SDK1: variants seen among roughly 807,000 people sequenced by gnomAD.
SDK1 encodes the protein sidekick cell adhesion molecule 1, also known as protein sidekick-1.
SDK1 carries 157 observed loss-of-function variants against 245.5 expected under a neutral mutation model. The observed-to-expected ratio is 0.64, with a 90% confidence interval of 0.56 to 0.73. The LOEUF (loss-of-function observed/expected upper bound fraction) is 0.73, where lower values mean the gene tolerates loss of function less well. Among genes scored for constraint, SDK1 ranks in the 30% least tolerant of loss-of-function variants. The probability of loss-of-function intolerance (pLI) is 0.00; values close to 1 mark genes in which losing one functional copy is unlikely to be tolerated. For missense variants in SDK1, 3,583 were observed against 3,002.3 expected (o/e 1.19, Z -4.52); for synonymous variants, 1,647 against 1,278.5 (o/e 1.29, Z -6.15).
chr7:4,157,900 A>G (rs1780870456), intron 30 of SDK1, among the ~76,000 whole-genome samples: 1 of 152,262 alleles, frequency 6.6e-6, no homozygotes, highest in Admixed American at 6.5e-5. Context: ...ACCTTAGAGA[A>G]TGCTGCAAGG....
chr7:3,415,292 A>T (rs1406777381), intron 1 of SDK1, among the ~76,000 whole-genome samples: 2 of 152,190 alleles, frequency 1.3e-5, no homozygotes, highest in African/African-American at 4.8e-5. Flanking sequence ...AGACCTGGAC[A>T]CATAAATGTG....
At chr7:4,181,525 C>G (rs568707103) in intron 35 of SDK1, among the ~76,000 whole-genome samples, 13 of 152,222 alleles carry the variant, frequency 8.5e-5, no homozygotes, top group African/African-American at 2.9e-4. Flanking sequence ...TGTGGCTTCT[C>G]CCTTCCCCAC....
chr7:3,821,204 G>A (rs2341959), intron 4 of SDK1, among the ~76,000 whole-genome samples: 42,634 of 151,992 alleles, frequency 0.28, 7,098 homozygotes, highest in African/African-American at 0.46. Context: ...TTCACAGTCA[G>A]GTGCTGGCGC....
intron 1 of SDK1, among the ~76,000 whole-genome samples, chr7:3,618,751 G>T (rs1028864915): frequency 3.9e-5 from 6 of 152,164 alleles, no homozygotes; most frequent in African/African-American, 1.4e-4. Flanking sequence ...CAAATAGATT[G>T]CCTAGTTAAA....
chr7:3,609,370 G>C (rs1479794881), intron 1 of SDK1, among the ~76,000 whole-genome samples: 1 of 152,126 alleles, frequency 6.6e-6, no homozygotes, highest in Non-Finnish European at 1.5e-5. Flanking sequence ...CAAGATCACA[G>C]AGCTAGTCAG....
chr7:4,195,374 C>G (rs1783516007), intron 35 of SDK1, among the ~76,000 whole-genome samples: 1 of 151,444 alleles, frequency 6.6e-6, no homozygotes, highest in African/African-American at 2.4e-5. Context: ...CCAGAACACT[C>G]TGCCCTGGCT....
chr7:4,071,786 G>T (rs907188365), intron 20 of SDK1, among the ~76,000 whole-genome samples: 1 of 152,202 alleles, frequency 6.6e-6, no homozygotes, highest in African/African-American at 2.4e-5. Flanking sequence ...AAACGGGGCT[G>T]CCCGGGTAGG....
intron 1 of SDK1, among the ~76,000 whole-genome samples, chr7:3,458,971 T>G (rs376323157): frequency 6.6e-6 from 1 of 152,088 alleles, no homozygotes; most frequent in African/African-American, 2.4e-5. Context: ...GTTTTAAGTT[T>G]CCATGTAAAG....
intron 4 of SDK1, among the ~76,000 whole-genome samples, chr7:3,808,998 T>C (rs956424468): frequency 6.6e-6 from 1 of 151,916 alleles, no homozygotes; most frequent in Non-Finnish European, 1.5e-5. Flanking sequence ...TCACCAAGGG[T>C]TATTAGGCTG....
In SDK1 at chr7:3,792,984, G is replaced by T. The variant is rs138813677; in HGVS notation, c.714-28466G>T. Among the ~76,000 whole-genome samples the T allele has an allele frequency of 2.5e-3, 385 of 152,292 alleles. 3 individuals are homozygous for T. The highest frequency in any genetic ancestry group is 8.5e-3 in the African/African-American group (353 of 41,566). ...GTAATAACTCAAGCCTTTCACATAA[G>T]GGGGAGGAAAAGATTCATTTCACAA... On this transcript the variant is annotated intron_variant, in intron 4 of 44. Coordinates refer to ENST00000404826, the MANE Select transcript of SDK1 (RefSeq NM_152744.4).
intron 35 of SDK1, among the ~76,000 whole-genome samples, chr7:4,179,773 G>A (rs1223980047): frequency 6.6e-6 from 1 of 151,946 alleles, no homozygotes; most frequent in East Asian, 1.9e-4. Context: ...TAAAGGGTGG[G>A]TGCCACTGCG....
intron 40 of SDK1, 152 bp from the exon 41 acceptor site, chr7:4,233,103 C>T (rs1005446963): frequency 9.2e-6 from 6 of 650,592 alleles, no homozygotes; most frequent in Non-Finnish European, 1.1e-5. Context: ...GAAACTGAGA[C>T]TCCGTCCCCA....
At chr7:4,083,266 C>G (rs1781178280) in intron 22 of SDK1, among the ~76,000 whole-genome samples, 1 of 152,156 alleles carries the variant, frequency 6.6e-6, no homozygotes, top group East Asian at 1.9e-4. Flanking sequence ...TCCCTCCCTA[C>G]CAACCCTCCC....
rs1324755636 is a variant in SDK1 at position 3,999,935 on chromosome 7, T to G, written c.2132-11031T>G. Among the ~76,000 whole-genome samples, 5 of 152,212 alleles carry G rather than the reference T, an allele frequency of 3.3e-5. No individual in the cohort carries two copies. The East Asian group carries it at 9.7e-4, about 29-fold the overall frequency. The stretch of plus-strand genomic sequence containing the variant: ...ACCAAATGATGCCAGACCCGAGTCT[T>G]GTACAACAAAGAGCTGCACAAAGCT... On this transcript the variant is annotated intron_variant, in intron 14 of 44. Transcript: ENST00000404826.
At chr7:4,102,269 C>G (rs534711545) in intron 22 of SDK1, among the ~76,000 whole-genome samples, 1 of 152,252 alleles carries the variant, frequency 6.6e-6, no homozygotes, top group East Asian at 1.9e-4. Context: ...AGGGGCCCTC[C>G]AGCCACCTCC....
chr7:4,097,958 TTGTTCTGG>T (rs150318597), intron 22 of SDK1, among the ~76,000 whole-genome samples: 6,587 of 152,254 alleles, frequency 0.043, 197 homozygotes, highest in Non-Finnish European at 0.063. Context: ...GCCTCATTTT[TTGTTCTGG>T]TGTAATGTCT....
At chr7:4,014,946 GTT>G (rs1416830924) in intron 16 of SDK1, among the ~76,000 whole-genome samples, 1 of 152,160 alleles carries the variant, frequency 6.6e-6, no homozygotes, top group Non-Finnish European at 1.5e-5. Context: ...AAATTCTGCA[GTT>G]TGTTATTCAC....
At chr7:3,394,895 G>T (rs1231213596) in intron 1 of SDK1, among the ~76,000 whole-genome samples, 1 of 151,880 alleles carries the variant, frequency 6.6e-6, no homozygotes, top group Non-Finnish European at 1.5e-5. Flanking sequence ...AGTTCTAATA[G>T]TTTTTTTGTG....
intron 40 of SDK1, chr7:4,227,233 T>C (rs1785497365): frequency 5.7e-6 from 2 of 351,138 alleles, no homozygotes; most frequent in Non-Finnish European, 1.1e-5. Flanking sequence ...ATGGCTCTGA[T>C]GGTGCCCGGT....
Sources: gnomAD v4.1 joint callset for allele counts (sites outside exome capture counted in the v4.1 genomes callset) on GRCh38, gnomAD v4.1.1 for gene constraint, MANE v1.5 for transcripts, NCBI Gene and HGNC (gene_info 2026-07-23, HGNC 2026-07-21) for gene names.